Variants in CUX1 observed in about 807,000 individuals in gnomAD.
CUX1 encodes cut like homeobox 1, also known as protein CASP.
In CUX1, 31 loss-of-function variants were observed where a neutral mutation model predicts 158.8. The ratio of observed to expected loss-of-function variants is 0.20; its 90% CI spans 0.15 to 0.26. The LOEUF (loss-of-function observed/expected upper bound fraction) is 0.26. Ranked by LOEUF, CUX1 falls within the 10% of genes least tolerant of loss-of-function variation. The pLI, the probability that CUX1 is intolerant of heterozygous loss-of-function variation, is 1.00. For synonymous variants in CUX1, 879 were observed against 862.1 expected (o/e 1.02, Z -0.34); for missense variants, 1,589 against 2,014.6 (o/e 0.79, Z 4.04).
chr7:101,825,135 C>T (rs1196913331), intron 1 of CUX1, among the ~76,000 whole-genome samples: 1 of 152,134 alleles, frequency 6.6e-6, no homozygotes, highest in East Asian at 1.9e-4. Context: ...GGCTGGAGTC[C>T]CCAACATACA....
rs188064191 is a variant in CUX1, at chr7:102,017,561, A to G, written c.142-10537A>G. Among the ~76,000 whole-genome samples the G allele has an allele frequency of 2.7e-3, 407 of 152,220 alleles. 5 individuals are homozygous for G. The highest frequency in any genetic ancestry group is 0.024 in the Admixed American group (364 of 15,284). On this transcript the variant is annotated intron_variant, in intron 2 of 23. Transcript: ENST00000292535. ...GTTTTTGAATAAATTAAAATACAATATGTGGGCCAGTGCGGTGGCTCACGC... is the reference window on the plus strand; with the variant it reads ...GTTTTTGAATAAATTAAAATACAATGTGTGGGCCAGTGCGGTGGCTCACGC...
At chr7:101,833,947 C>T (rs1057200020) in intron 1 of CUX1, among the ~76,000 whole-genome samples, 12 of 152,094 alleles carry the variant, frequency 7.9e-5, no homozygotes, top group African/African-American at 2.4e-4. Context: ...AGTGTTCACA[C>T]GAGTACCGAG....
chr7:102,024,797 T>C (rs909355210), intron 2 of CUX1, among the ~76,000 whole-genome samples: 2 of 152,318 alleles, frequency 1.3e-5, no homozygotes, highest in South Asian at 2.1e-4. Flanking sequence ...CTTTGTGTTA[T>C]ATGTTGTCCT....
chr7:101,907,269 T>C (rs1268521688), intron 1 of CUX1, among the ~76,000 whole-genome samples: 1 of 152,198 alleles, frequency 6.6e-6, no homozygotes, highest in East Asian at 1.9e-4. Flanking sequence ...GGAAATGAGG[T>C]TTCCTAGGAC....
At chr7:101,905,534 C>T (rs1189981804) in intron 1 of CUX1, among the ~76,000 whole-genome samples, 1 of 152,222 alleles carries the variant, frequency 6.6e-6, no homozygotes, top group Non-Finnish European at 1.5e-5. Flanking sequence ...GTACCCTTCC[C>T]TCCACACCAT....
intron 10 of CUX1, among the ~76,000 whole-genome samples, chr7:102,177,894 T>G (rs782308989): frequency 7.8e-5 from 3 of 38,644 alleles, no homozygotes; most frequent in Non-Finnish European, 1.6e-4. Context: ...TTTTCTCCTG[T>G]TTTTTTTTGT....
chr7:102,010,514 C>T (rs1216685684), intron 2 of CUX1, among the ~76,000 whole-genome samples: 2 of 152,084 alleles, frequency 1.3e-5, no homozygotes, highest in East Asian at 1.9e-4. Flanking sequence ...GTGATTGGGC[C>T]TCTCTTTCAT....
At chr7:101,999,524 C>T (rs529033611) in intron 2 of CUX1, among the ~76,000 whole-genome samples, 9 of 152,244 alleles carry the variant, frequency 5.9e-5, no homozygotes, top group East Asian at 1.9e-4. Context: ...TGATTGATGT[C>T]GGCTACATCT....
At chr7:101,921,223 T>C (rs1257663729) in intron 2 of CUX1, among the ~76,000 whole-genome samples, 1 of 152,194 alleles carries the variant, frequency 6.6e-6, no homozygotes, top group Non-Finnish European at 1.5e-5. Context: ...ATAAATAATG[T>C]AACAACAGGG....
chr7:102,047,427 G>A (rs13233416), intron 3 of CUX1, among the ~76,000 whole-genome samples: 4 of 151,072 alleles, frequency 2.6e-5, no homozygotes, highest in Middle Eastern at 3.5e-3. Flanking sequence ...ATGGATGGCT[G>A]GATGATTGGA....
chr7:102,240,513 C>T (rs1209648532), intron 23 of CUX1, among the ~76,000 whole-genome samples: 2 of 152,092 alleles, frequency 1.3e-5, no homozygotes, highest in African/African-American at 4.8e-5. Context: ...CCACCTCAAC[C>T]TCCCAAAGCC....
chr7:101,857,241 C>T (rs1222630159), intron 1 of CUX1, among the ~76,000 whole-genome samples: 1 of 152,258 alleles, frequency 6.6e-6, no homozygotes, highest in African/African-American at 2.4e-5. Flanking sequence ...ACCCGGGCAC[C>T]TCCTACAGGG....
intron 8 of CUX1, among the ~76,000 whole-genome samples, chr7:102,123,635 AC>A (rs1437573596): frequency 1.3e-5 from 2 of 151,206 alleles, no homozygotes; most frequent in Non-Finnish European, 2.9e-5. Context: ...AAATTATCAT[AC>A]AGTCTCTCAA....
At chr7:101,979,760 A>G (rs1813182228) in intron 2 of CUX1, among the ~76,000 whole-genome samples, 1 of 152,046 alleles carries the variant, frequency 6.6e-6, no homozygotes, top group East Asian at 1.9e-4. Context: ...AGCAATTCTC[A>G]TGCCTCAGCC....
At chr7:102,012,483 T>C (rs1241082412) in intron 2 of CUX1, among the ~76,000 whole-genome samples, 1 of 152,192 alleles carries the variant, frequency 6.6e-6, no homozygotes, top group Non-Finnish European at 1.5e-5. Context: ...CCACTGTGCC[T>C]GGCCTTCAGT....
At chr7:102,114,369 G>C (rs1350643769) in intron 7 of CUX1, among the ~76,000 whole-genome samples, 2 of 152,160 alleles carry the variant, frequency 1.3e-5, no homozygotes, top group African/African-American at 4.8e-5. Context: ...TGCATCTCCA[G>C]GGTTCAAGTG....
rs1013085129 is a variant in CUX1, at chr7:102,256,706, T to G, written c.*7664T>G. On this transcript the variant is annotated 3_prime_UTR_variant, in exon 24 of 24. Coordinates refer to ENST00000292535, the MANE Select transcript of CUX1 (RefSeq NM_181552.4). ...GGAATCTTAGCAAAGCCAAGTTCAG[T>G]TCCCCAAAGCCTCCTAGAGCCTCTG... 4.2e-5 allele frequency: 41 copies of G among 985,364 alleles called. No homozygotes were observed. The highest frequency in any genetic ancestry group is 4.9e-5 in the Non-Finnish European group (41 of 829,960). The allele number at this position is 985,364 out of a possible 1,614,324, so 61.0% of individuals were successfully genotyped here.
chr7:102,120,934 G>A (rs1258466202), intron 8 of CUX1, among the ~76,000 whole-genome samples: 1 of 152,144 alleles, frequency 6.6e-6, no homozygotes, highest in Non-Finnish European at 1.5e-5. Flanking sequence ...GCATGGTGTT[G>A]TGCCTTTAGT....
intron 2 of CUX1, among the ~76,000 whole-genome samples, chr7:101,945,319 C>T (rs1563045111): frequency 6.6e-6 from 1 of 152,038 alleles, no homozygotes; most frequent in South Asian, 2.1e-4. Flanking sequence ...ACACCACCAC[C>T]GAAACCACTC....
Sources: gnomAD v4.1 joint callset for allele counts (sites outside exome capture counted in the v4.1 genomes callset) on GRCh38, gnomAD v4.1.1 for gene constraint, MANE v1.5 for transcripts, NCBI Gene and HGNC (gene_info 2026-07-23, HGNC 2026-07-21) for gene names.